The following LBP variants were observed in gnomAD, a reference collection of about 807,000 sequenced individuals.
The protein encoded by LBP is lipopolysaccharide binding protein, also known as lipopolysaccharide-binding protein.
LBP carries 53 observed loss-of-function variants against 56.6 expected under a neutral mutation model. The observed-to-expected ratio is 0.94, with a 90% CI of 0.75 to 1.18. The LOEUF (loss-of-function observed/expected upper bound fraction) is 1.18. Among genes scored for constraint, LBP ranks in the 50% most tolerant of loss-of-function variants. LBP has a pLI of 0.00. For missense variants in LBP, 601 were observed against 598.3 expected, an observed-to-expected ratio of 1.00 and a Z score of -0.05; for synonymous variants, 227 against 247.5, an observed-to-expected ratio of 0.92 and a Z score of 0.78.
rs115635753 is a variant in LBP at position 38,357,856 on chromosome 20, A to G, written c.588+2447A>G. On this transcript the variant is annotated intron_variant, in intron 5 of 14. Coordinates refer to ENST00000217407, the MANE Select transcript of LBP (RefSeq NM_004139.5). The stretch of plus-strand genomic sequence containing the variant: ...CATATAGGGTAACTTGGAAATTGCC[A>G]TGGCATTTGTAAACTGTCTTGGCAC... 6.5e-3 allele frequency among the ~76,000 whole-genome samples: 992 copies of G among 152,334 alleles called. 13 individuals are homozygous for G. The highest frequency in any genetic ancestry group is 0.022 in the African/African-American group (934 of 41,576).
At chr20:38,360,604 C>A in intron 5 of LBP, 100 bp from the exon 6 acceptor site, 2 of 743,722 alleles carry the variant, frequency 2.7e-6, no homozygotes, top group South Asian at 3.4e-5. Flanking sequence ...AATCAGTGAT[C>A]ACTGAGCACA....
chr20:38,371,478 G>C (rs1048597804), intron 12 of LBP, among the ~76,000 whole-genome samples, 156 bp downstream of exon 12: 1 of 152,124 alleles, frequency 6.6e-6, no homozygotes, highest in African/African-American at 2.4e-5. Flanking sequence ...ACAAGACATA[G>C]GGCCAAGGAA....
chr20:38,351,190 G>A (rs1476576979), intron 3 of LBP, among the ~76,000 whole-genome samples: 1 of 152,194 alleles, frequency 6.6e-6, no homozygotes, highest in Non-Finnish European at 1.5e-5. Context: ...GGCTAAGTGC[G>A]GTAATATCAT....
At chr20:38,374,901 A>G (rs2076912775) in intron 14 of LBP, among the ~76,000 whole-genome samples, 1 of 147,522 alleles carries the variant, frequency 6.8e-6, no homozygotes, top group Admixed American at 6.8e-5. Flanking sequence ...CTTGAGCCTG[A>G]GCCTCTGGAG....
chr20:38,374,145 G>C (rs531348599), intron 14 of LBP, 132 bp downstream of exon 14: 1 of 824,608 alleles, frequency 1.2e-6, no homozygotes, highest in Non-Finnish European at 2.0e-6. Context: ...GGGGCAGGAC[G>C]GGTGCTCCTG....
chr20:38,375,894 T>C (rs2122632031), intron 14 of LBP, among the ~76,000 whole-genome samples: 1 of 152,314 alleles, frequency 6.6e-6, no homozygotes, highest in South Asian at 2.1e-4. Context: ...CCAACTGTTC[T>C]ATCTAAAAAA....
At position 38,376,607 on chromosome 20, in the gene LBP, C is replaced by T. The variant is rs1464175068; in HGVS notation, c.1402-18C>T. Reference sequence around the variant, plus strand: ...AGAGGATGCTCTTTACCATCCTGTCCTGTCCTGTTTTTCCTAGGACTTCCT... The same window carrying T: ...AGAGGATGCTCTTTACCATCCTGTCTTGTCCTGTTTTTCCTAGGACTTCCT... On this transcript the variant is annotated intron_variant, in intron 14 of 14. Transcript: ENST00000217407. The T allele has an allele frequency of 2.5e-6, 4 of 1,611,910 alleles. No homozygotes were observed. The Admixed American group carries it at 5.0e-5, about 20-fold the overall frequency.
intron 9 of LBP, among the ~76,000 whole-genome samples, chr20:38,368,742 C>T (rs933302688): frequency 6.6e-6 from 1 of 152,126 alleles, no homozygotes; most frequent in African/African-American, 2.4e-5. Flanking sequence ...CAACTTGATG[C>T]CCAATAGAGT....
chr20:38,349,761 G>A, intron 2 of LBP, 99 bp downstream of exon 2: 1 of 858,206 alleles, frequency 1.2e-6, no homozygotes, highest in Non-Finnish European at 1.8e-6. Flanking sequence ...TTGGGCTGTG[G>A]GGGGACCTCT....
rs141795822 is a variant in LBP at position 38,367,918 on chromosome 20, G to A, written c.982-1077G>A. 5.9e-5 allele frequency among the ~76,000 whole-genome samples: 9 copies of A among 152,176 alleles called. No homozygotes were observed. In the East Asian group the frequency reaches 1.4e-3, roughly 23 times the overall value. On this transcript the variant is annotated intron_variant, in intron 9 of 14. Transcript: ENST00000217407. ...GAAATGGTGGAATCTAGGGCTGGTC[G>A]TGGTGGCTCACACCTATAATCCTAG... is the stretch of plus-strand genomic sequence containing the variant.
At chr20:38,350,987 C>T (rs375232436) in intron 3 of LBP, 48 bp downstream of exon 3, 32 of 1,595,710 alleles carry the variant, frequency 2.0e-5, no homozygotes, top group African/African-American at 4.0e-5. Flanking sequence ...CCTTGGCCTT[C>T]GCCCCATCCT....
chr20:38,358,699 G>A (rs955980140), intron 5 of LBP, among the ~76,000 whole-genome samples: 2 of 152,140 alleles, frequency 1.3e-5, no homozygotes, highest in African/African-American at 2.4e-5. Context: ...GCAACCCAGC[G>A]TCTGATGGAT....
chr20:38,365,742 A>ATATATATT (rs1435168266), intron 8 of LBP, among the ~76,000 whole-genome samples: 1 of 144,468 alleles, frequency 6.9e-6, no homozygotes, highest in Non-Finnish European at 1.5e-5. Flanking sequence ...ATATATATAT[A>ATATATATT]TATTTATATG....
At chr20:38,349,523 A>T in intron 1 of LBP, 25 bp from the exon 2 acceptor site, 1 of 1,544,112 alleles carries the variant, frequency 6.5e-7, no homozygotes, top group Non-Finnish European at 8.8e-7. Flanking sequence ...GATCAAGCTG[A>T]CTCCCAGCTA....
chr20:38,369,992 G>A (rs1315137368), intron 10 of LBP, among the ~76,000 whole-genome samples: 1 of 151,994 alleles, frequency 6.6e-6, no homozygotes, highest in Non-Finnish European at 1.5e-5. Flanking sequence ...ATCTCTACCA[G>A]GGTAATTCTT....
rs150838547 is a variant in LBP at position 38,366,773 on chromosome 20, C to T, written c.926C>T (p.Pro309Leu). ...LNFSITDDMI[P>L]PDSNIRLTTK... ...CTTCATGTCTCTTTGCTGCAGATAC[C>T]GCCTGACTCTAATATCCGACTGACC... The change falls in exon 9 of 15, where the codon CCG becomes CTG. Residue 309 changes from proline to leucine, a missense_variant. Coordinates refer to ENST00000217407, the MANE Select transcript of LBP (RefSeq NM_004139.5). 225 of 1,613,942 alleles carry T rather than the reference C, an allele frequency of 1.4e-4. No individual in the cohort carries two copies. The highest frequency in any genetic ancestry group is 1.8e-4 in the Non-Finnish European group (212 of 1,180,002).
At position 38,376,636 on chromosome 20, in the gene LBP, C is replaced by G; in HGVS notation, c.1413C>G (p.Phe471Leu). The change falls in exon 15 of 15, where the codon TTC (phenylalanine) becomes TTG (leucine). Residue 471 changes from phenylalanine to leucine, a missense_variant. Physicochemically the swap from Phe to Leu is conservative, Grantham distance 22. Coordinates refer to ENST00000217407, the MANE Select transcript of LBP (RefSeq NM_004139.5). ...LGLQIHKDFL[F>L]LGANVQYMRV ...CCTGTTTTTCCTAGGACTTCCTGTT[C>G]TTGGGTGCCAATGTCCAATACATGA... 1.9e-6 allele frequency: 3 copies of G among 1,614,010 alleles called. No homozygotes were observed. Among genetic ancestry groups the G allele is most frequent in the Non-Finnish European group, 2.5e-6 (3 of 1,179,880 alleles).
At position 38,350,323 on chromosome 20, in the gene LBP, C is replaced by T. The variant is rs183014162; in HGVS notation, c.240-488C>T. 1.4e-3 allele frequency among the ~76,000 whole-genome samples: 213 copies of T among 152,254 alleles called. 1 individual carries two copies. The highest frequency in any genetic ancestry group is 4.7e-3 in the African/African-American group (194 of 41,546). ...CCCGGCAAATAAAATAGAACTTGAC[C>T]GTTCTTTTCCCACTGTGACAACCTT... On this transcript the variant is annotated intron_variant, in intron 2 of 14. Coordinates refer to ENST00000217407, the MANE Select transcript of LBP (RefSeq NM_004139.5).
intron 3 of LBP, among the ~76,000 whole-genome samples, chr20:38,352,263 G>T (rs903710897): frequency 1.3e-5 from 2 of 152,162 alleles, no homozygotes; most frequent in Admixed American, 1.3e-4. Context: ...TGGTGACACA[G>T]AGCAGCCCAT....
Sources: allele counts gnomAD v4.1 joint callset (sites outside exome capture counted in the v4.1 genomes callset), GRCh38; gene constraint gnomAD v4.1.1; transcripts MANE v1.5; gene names NCBI Gene and HGNC (gene_info 2026-07-23, HGNC 2026-07-21).